The following EPHB2 variants were observed in gnomAD, a reference collection of about 807,000 sequenced individuals.
The protein encoded by EPHB2 is EPH receptor B2.
EPHB2 carries 18 observed loss-of-function variants against 96.4 expected under a neutral mutation model. The ratio of observed to expected loss-of-function variants is 0.19; its 90% CI spans 0.13 to 0.28. EPHB2 has a LOEUF of 0.28. Ranked by LOEUF, EPHB2 falls within the 10% of genes least tolerant of loss-of-function variation. EPHB2 has a pLI of 1.00. For synonymous variants in EPHB2, 506 were observed against 534.1 expected (o/e 0.95, Z 0.72); for missense variants, 989 against 1,355.4 (o/e 0.73, Z 4.25).
At chr1:22,889,595 A>G (rs1300963433) in intron 6 of EPHB2, among the ~76,000 whole-genome samples, 1 of 152,224 alleles carries the variant, frequency 6.6e-6, no homozygotes, top group Non-Finnish European at 1.5e-5. Flanking sequence ...ATGGACAGGT[A>G]TATTAGGACA....
chr1:22,721,155 T>G (rs950208422), intron 1 of EPHB2, among the ~76,000 whole-genome samples: 7 of 152,200 alleles, frequency 4.6e-5, no homozygotes, highest in African/African-American at 1.4e-4. Context: ...GAAAAAATTC[T>G]AAAGGCATGG....
chr1:22,871,752 T>A (rs145332612), intron 5 of EPHB2, among the ~76,000 whole-genome samples: 1 of 152,346 alleles, frequency 6.6e-6, no homozygotes, highest in Non-Finnish European at 1.5e-5. Flanking sequence ...GTGCAGTGGC[T>A]CATGCCTGTA....
intron 5 of EPHB2, among the ~76,000 whole-genome samples, chr1:22,873,996 G>A (rs1474806987): frequency 6.6e-6 from 1 of 152,148 alleles, no homozygotes; most frequent in Non-Finnish European, 1.5e-5. Context: ...CATTTTACAG[G>A]TAAGGAACCC....
At chr1:22,757,347 G>A (rs947075417) in intron 1 of EPHB2, among the ~76,000 whole-genome samples, 1 of 152,150 alleles carries the variant, frequency 6.6e-6, no homozygotes, top group East Asian at 1.9e-4. Context: ...GAGACAGTCA[G>A]GGAGGGTTTC....
At chr1:22,740,798 G>A (rs559827204) in intron 1 of EPHB2, among the ~76,000 whole-genome samples, 46 of 139,796 alleles carry the variant, frequency 3.3e-4, no homozygotes, top group African/African-American at 6.3e-4. Flanking sequence ...CCATCATACC[G>A]GCCCCTCCCT....
At position 22,717,921 on chromosome 1, in the gene EPHB2, A is replaced by T. The variant is rs555362192; in HGVS notation, c.61+6878A>T. ...CTGAGCCTTGGTTTCCTCATCTTTC[A>T]AATGGGGGTAATCATTGTTCCTAGC... On this transcript the variant is annotated intron_variant, in intron 1 of 15. Transcript: ENST00000374630. 2.0e-5 allele frequency among the ~76,000 whole-genome samples: 3 copies of T among 152,260 alleles called. No homozygotes were observed. In the East Asian group the frequency reaches 5.8e-4, roughly 29 times the overall value.
At chr1:22,732,385 G>C (rs555369902) in intron 1 of EPHB2, among the ~76,000 whole-genome samples, 4 of 151,738 alleles carry the variant, frequency 2.6e-5, no homozygotes, top group African/African-American at 9.7e-5. Flanking sequence ...GGAAGCGCGT[G>C]GGGGGCCGGA....
Position 22,906,168 on chromosome 1 carries a change from C to T in EPHB2, c.1888+59C>T. ...CTTAGCCATGGCTGGTGAGACCACC[C>T]CAATGTATACCCTTGGGGCAGAAGG... On this transcript the variant is annotated intron_variant, in intron 10 of 15. Coordinates refer to ENST00000374630, the MANE Select transcript of EPHB2 (RefSeq NM_017449.5). This position sits in a 1 kb window ranked among gnomAD's most constrained non-coding sequence, Gnocchi z 4.8. 6.2e-7 allele frequency: 1 copy of T among 1,612,646 alleles called. No individual in the cohort carries two copies. The highest frequency in any genetic ancestry group is 8.5e-7 in the Non-Finnish European group (1 of 1,179,504).
At chr1:22,816,709 G>A (rs1369896010) in intron 3 of EPHB2, among the ~76,000 whole-genome samples, 1 of 152,206 alleles carries the variant, frequency 6.6e-6, no homozygotes, top group African/African-American at 2.4e-5. Context: ...CACAGCAACT[G>A]TAGGATATAG....
intron 1 of EPHB2, among the ~76,000 whole-genome samples, chr1:22,756,655 G>A (rs11589153): frequency 0.93 from 140,864 of 152,102 alleles, 66,193 homozygotes; most frequent in East Asian, 1. Flanking sequence ...CCAGCCCATG[G>A]ACCTGCGCTG....
At chr1:22,908,405 G>A (rs1310929317) in intron 12 of EPHB2, among the ~76,000 whole-genome samples, 1 of 152,258 alleles carries the variant, frequency 6.6e-6, no homozygotes, top group Non-Finnish European at 1.5e-5. Context: ...AGCCAGCCTT[G>A]GAGGCAGAGG....
chr1:22,870,023 G>A (rs1054268892), intron 5 of EPHB2, among the ~76,000 whole-genome samples: 4 of 152,160 alleles, frequency 2.6e-5, no homozygotes, highest in African/African-American at 9.7e-5. Context: ...GTGGGGTGTG[G>A]AGAAGTGCAA....
At chr1:22,818,638 C>A (rs1645107337) in intron 3 of EPHB2, among the ~76,000 whole-genome samples, 1 of 152,146 alleles carries the variant, frequency 6.6e-6, no homozygotes, top group Non-Finnish European at 1.5e-5. Flanking sequence ...CCATGCTGTG[C>A]AACTGGGATG....
chr1:22,819,010 C>A (rs1479842206), intron 3 of EPHB2, among the ~76,000 whole-genome samples: 2 of 151,416 alleles, frequency 1.3e-5, no homozygotes, highest in Admixed American at 1.3e-4. Context: ...GGAATTCTTA[C>A]TTCCTGGCTC....
At chr1:22,912,738 C>T in intron 15 of EPHB2, 139 bp downstream of exon 15, 1 of 1,293,362 alleles carries the variant, frequency 7.7e-7, no homozygotes, top group Non-Finnish European at 1.1e-6. Flanking sequence ...AGATGGCCAA[C>T]TTTGGAGTCA....
chr1:22,802,969 A>G (rs541789082), intron 3 of EPHB2, among the ~76,000 whole-genome samples: 1 of 152,174 alleles, frequency 6.6e-6, no homozygotes, highest in South Asian at 2.1e-4. Context: ...AGCAGTAAGG[A>G]CTATGGGGAC....
At chr1:22,890,418 G>A (rs1041071767) in intron 6 of EPHB2, among the ~76,000 whole-genome samples, 8 of 152,090 alleles carry the variant, frequency 5.3e-5, no homozygotes, top group African/African-American at 1.2e-4. Context: ...CTGTTATGGG[G>A]GTGGTAGAGA....
rs59996691 is a variant in EPHB2 at position 22,744,671 on chromosome 1, C to CAA, written c.61+33654_61+33655dup. Among the ~76,000 whole-genome samples, 24 of 57,926 alleles carry CAA rather than the reference C, an allele frequency of 4.1e-4. 1 individual carries two copies. In the South Asian group the frequency reaches 4.9e-3, roughly 12 times the overall value. 38.0% of individuals were successfully genotyped at this position (57,926 alleles called of 152,430 possible). A position where few individuals can be genotyped will look rare whatever the true frequency, so the allele number is the denominator to read the frequency against. On this transcript the variant is annotated intron_variant, in intron 1 of 15. Coordinates refer to ENST00000374630, the MANE Select transcript of EPHB2 (RefSeq NM_017449.5). ...TGGGCGACAGAGTGAGACATTGTCT[C>CAA]AAAAAAAAAAAAAAAAAAAAAAAAA...
intron 8 of EPHB2, among the ~76,000 whole-genome samples, chr1:22,895,916 A>T (rs975454870): frequency 6.6e-6 from 1 of 152,228 alleles, no homozygotes; most frequent in Non-Finnish European, 1.5e-5. Context: ...TGCTTTCTGC[A>T]TGAGTTCAGG....
Sources: gnomAD v4.1 joint callset for allele counts (sites outside exome capture counted in the v4.1 genomes callset) on GRCh38, gnomAD v4.1.1 for gene constraint, Gnocchi (gnomAD v3.1) non-coding constraint, MANE v1.5 for transcripts, NCBI Gene and HGNC (gene_info 2026-07-23, HGNC 2026-07-21) for gene names.